Variants in GAS7 observed in about 807,000 individuals in gnomAD.
The protein encoded by GAS7 is growth arrest specific 7.
GAS7 carries 28 observed loss-of-function variants against 71.1 expected under a neutral mutation model. That is an observed-to-expected ratio of 0.39 (90% CI 0.29 to 0.54). The LOEUF is 0.54. Ranked by LOEUF, GAS7 falls within the 20% of genes least tolerant of loss-of-function variation. The pLI is 0.62. For missense variants in GAS7, 436 were observed against 627.8 expected (o/e 0.69, Z 3.27); for synonymous variants, 258 against 245.8 (o/e 1.05, Z -0.46).
intron 1 of GAS7, among the ~76,000 whole-genome samples, chr17:10,109,071 T>G (rs1277796196): frequency 1.3e-5 from 2 of 151,994 alleles, no homozygotes; most frequent in African/African-American, 4.8e-5. Context: ...AAACTATTTA[T>G]CTGATGAGGG....
chr17:10,053,762 C>A (rs2073095823), intron 1 of GAS7, among the ~76,000 whole-genome samples: 1 of 152,196 alleles, frequency 6.6e-6, no homozygotes, highest in Non-Finnish European at 1.5e-5. Flanking sequence ...GCAGTGAGAT[C>A]CTTAACTCCT....
Position 9,981,956 on chromosome 17 carries a change from A to C in GAS7, c.305-72T>G. The C allele has an allele frequency of 1.2e-6, 1 of 858,546 alleles. No individual in the cohort carries two copies. Among genetic ancestry groups the C allele is most frequent in the Non-Finnish European group, 2.0e-6 (1 of 495,552 alleles). 53.2% of individuals were successfully genotyped at this position (858,546 alleles called of 1,614,324 possible). A position where few individuals can be genotyped will look rare whatever the true frequency, so the allele number is the denominator to read the frequency against. ...CAGAACCTGAGTTTCACAGAGCAGAAGGAGATGCTCAGAGCTGGAGAAAAA... is the reference window on the plus strand; with the variant it reads ...CAGAACCTGAGTTTCACAGAGCAGACGGAGATGCTCAGAGCTGGAGAAAAA... On this transcript the variant is annotated intron_variant, in intron 2 of 13. Transcript: ENST00000432992. This position sits in a 1 kb window ranked among gnomAD's most constrained non-coding sequence, Gnocchi z 4.4.
At chr17:10,055,346 G>A (rs1050860223) in intron 1 of GAS7, among the ~76,000 whole-genome samples, 2 of 152,168 alleles carry the variant, frequency 1.3e-5, no homozygotes, top group African/African-American at 4.8e-5. Context: ...ATGTGCTCTG[G>A]GGCCGCTGGG....
At chr17:10,066,133 G>A (rs962545530) in intron 1 of GAS7, among the ~76,000 whole-genome samples, 11 of 152,210 alleles carry the variant, frequency 7.2e-5, no homozygotes, top group African/African-American at 2.7e-4. Context: ...GGCACCATCT[G>A]TAGTGGAAAT....
chr17:9,994,672 T>C (rs1167759710), intron 2 of GAS7, among the ~76,000 whole-genome samples: 1 of 149,050 alleles, frequency 6.7e-6, no homozygotes, highest in South Asian at 2.1e-4. Context: ...AAAGCCAAAA[T>C]TGACAAATGG....
chr17:10,101,803 G>A (rs758751225), intron 1 of GAS7, among the ~76,000 whole-genome samples: 3 of 152,182 alleles, frequency 2.0e-5, no homozygotes, highest in African/African-American at 4.8e-5. Flanking sequence ...CCCACCATGC[G>A]TTTTGGCAAA....
intron 1 of GAS7, among the ~76,000 whole-genome samples, chr17:10,116,890 G>C (rs915525671): frequency 1.3e-5 from 2 of 151,878 alleles, no homozygotes; most frequent in Admixed American, 6.6e-5. Context: ...TAAATGATGA[G>C]GGGGGGAAAA....
chr17:10,127,435 C>T (rs1271585307), intron 1 of GAS7, among the ~76,000 whole-genome samples: 1 of 152,110 alleles, frequency 6.6e-6, no homozygotes, highest in Non-Finnish European at 1.5e-5. Flanking sequence ...ACACCGAGTC[C>T]ACGGCCTGGA....
At chr17:9,976,303 G>C (rs562039044) in intron 3 of GAS7, among the ~76,000 whole-genome samples, 1 of 152,362 alleles carries the variant, frequency 6.6e-6, no homozygotes, top group Admixed American at 6.5e-5. Flanking sequence ...GGTTCTAGGG[G>C]AACATGCACT....
rs562350994 is a variant in GAS7 at position 9,965,716 on chromosome 17, G to A, written c.471+3961C>T. ...AAAGATGATTCGCCTTTGATCCCTC[G>A]CCTCTGCCCCCGAATCAGGTGGGCT... On this transcript the variant is annotated intron_variant, in intron 4 of 13. Coordinates refer to ENST00000432992, the MANE Select transcript of GAS7 (RefSeq NM_201433.2). Among the ~76,000 whole-genome samples, 5 of 152,264 alleles carry A rather than the reference G, an allele frequency of 3.3e-5. No individual in the cohort carries two copies. The East Asian group carries it at 7.7e-4, about 24-fold the overall frequency.
rs111828711 is a variant in GAS7 at position 9,989,570 on chromosome 17, A to T, written c.305-7686T>A. Among the ~76,000 whole-genome samples, 609 of 152,194 alleles carry T rather than the reference A, an allele frequency of 4.0e-3. 2 individuals carry two copies. The highest frequency in any genetic ancestry group is 0.014 in the African/African-American group (574 of 41,536). Reference sequence around the variant, plus strand: ...GAAAACTTAAAAATTTTCTAATGGGATTGGGGGAGGGAGTTGTGCCAGGAG... The same window carrying T: ...GAAAACTTAAAAATTTTCTAATGGGTTTGGGGGAGGGAGTTGTGCCAGGAG... On this transcript the variant is annotated intron_variant, in intron 2 of 13. Coordinates refer to ENST00000432992, the MANE Select transcript of GAS7 (RefSeq NM_201433.2).
At chr17:9,973,219 T>G (rs2070039572) in intron 3 of GAS7, among the ~76,000 whole-genome samples, 1 of 150,376 alleles carries the variant, frequency 6.6e-6, no homozygotes, top group Admixed American at 6.6e-5. Flanking sequence ...AATTAGGGAT[T>G]AGAAAGAAAA....
At chr17:10,165,825 T>C (rs9902139) in intron 1 of GAS7, among the ~76,000 whole-genome samples, 26 of 152,116 alleles carry the variant, frequency 1.7e-4, no homozygotes, top group Admixed American at 6.5e-4. Flanking sequence ...ACGGGACACT[T>C]GTGTGCACTG....
chr17:10,149,520 G>A (rs1007273544), intron 1 of GAS7, among the ~76,000 whole-genome samples: 2 of 152,222 alleles, frequency 1.3e-5, no homozygotes, highest in Non-Finnish European at 2.9e-5. Context: ...ATTAGAGGTG[G>A]AAAAGAGGTA....
At chr17:9,982,202 C>T (rs1226013314) in intron 2 of GAS7, among the ~76,000 whole-genome samples, 1 of 152,170 alleles carries the variant, frequency 6.6e-6, no homozygotes, top group Non-Finnish European at 1.5e-5. Context: ...TCTGCCCCAA[C>T]CTGCCTCTTC....
chr17:9,960,599 G>T (rs2069446869), intron 4 of GAS7, among the ~76,000 whole-genome samples: 1 of 152,192 alleles, frequency 6.6e-6, no homozygotes, highest in South Asian at 2.1e-4. Flanking sequence ...GGCTTGGAGT[G>T]GGGGGCACCC....
chr17:10,047,922 C>T (rs2073003072), intron 1 of GAS7, among the ~76,000 whole-genome samples: 1 of 152,026 alleles, frequency 6.6e-6, no homozygotes, highest in Non-Finnish European at 1.5e-5. Flanking sequence ...TATTAAAGAC[C>T]AGAATAGGTT....
At chr17:9,965,622 G>A (rs9906473) in intron 4 of GAS7, among the ~76,000 whole-genome samples, 72,965 of 151,950 alleles carry the variant, frequency 0.48, 17,601 homozygotes, top group Admixed American at 0.53. Flanking sequence ...TGGCACATGT[G>A]TACCTATGTA....
rs571146331 is a variant in GAS7, at chr17:10,085,671, G to A, written c.184-65774C>T. On this transcript the variant is annotated intron_variant, in intron 1 of 13. Transcript: ENST00000432992. ...CGTGCCACTGCACTCCAGCCTGGGC[G>A]ACAGAGCGAGATTCCGTCTCAAAAA... Among the ~76,000 whole-genome samples, 195 of 121,706 alleles carry A rather than the reference G, an allele frequency of 1.6e-3. 1 individual carries two copies. Among genetic ancestry groups the A allele is most frequent in the Admixed American group, 3.5e-3 (33 of 9,410 alleles). 79.8% of individuals were successfully genotyped at this position (121,706 alleles called of 152,430 possible).
Sources: allele counts gnomAD v4.1 joint callset (sites outside exome capture counted in the v4.1 genomes callset), GRCh38; gene constraint gnomAD v4.1.1; non-coding constraint Gnocchi (gnomAD v3.1); transcripts MANE v1.5; gene names NCBI Gene and HGNC (gene_info 2026-07-23, HGNC 2026-07-21).